Variants in TTBK2 observed in about 807,000 individuals in gnomAD.
TTBK2 encodes tau-tubulin kinase 2.
In TTBK2, 28 loss-of-function variants were observed where a neutral mutation model predicts 110.8. The observed-to-expected ratio is 0.25, with a 90% confidence interval of 0.19 to 0.35. TTBK2 has a LOEUF of 0.35. TTBK2 is among the 10% of genes least tolerant of loss of function. The probability of loss-of-function intolerance (pLI) is 1.00; values close to 1 mark genes in which losing one functional copy is unlikely to be tolerated. For missense variants in TTBK2, 1,369 were observed against 1,500.3 expected (o/e 0.91, Z 1.45); for synonymous variants, 532 against 527.3 (o/e 1.01, Z -0.12).
At chr15:42,863,207 C>T (rs1475725491) in intron 3 of TTBK2, among the ~76,000 whole-genome samples, 1 of 152,138 alleles carries the variant, frequency 6.6e-6, no homozygotes, top group African/African-American at 2.4e-5. Context: ...TGATAAACTT[C>T]AGTGAAGTTT....
rs71431870 is a variant in TTBK2 at position 42,816,085 on chromosome 15, AATATATATATATATAT to A, written c.603+931_603+946del. ...ATATATATATAAAAATAAATAAATA[AATATATATATATATAT>A]ATATATATATATATATATGTGTATA... is the stretch of plus-strand genomic sequence containing the variant. On this transcript the variant is annotated intron_variant, in intron 7 of 14. Transcript: ENST00000267890. 9.0e-4 allele frequency among the ~76,000 whole-genome samples: 61 copies of A among 67,450 alleles called. 2 individuals are homozygous for A. Among genetic ancestry groups the A allele is most frequent in the South Asian group, 3.0e-3 (6 of 1,968 alleles). 44.2% of individuals were successfully genotyped at this position (67,450 alleles called of 152,430 possible). A position where few individuals can be genotyped will look rare whatever the true frequency, so the allele number is the denominator to read the frequency against.
intron 13 of TTBK2, among the ~76,000 whole-genome samples, chr15:42,768,826 A>T (rs927033410): frequency 6.6e-6 from 1 of 152,236 alleles, no homozygotes; most frequent in Non-Finnish European, 1.5e-5. Context: ...CAAAAGAACA[A>T]AGCTGGAGGC....
At chr15:42,900,062 C>A (rs552508752) in intron 1 of TTBK2, among the ~76,000 whole-genome samples, 4 of 151,686 alleles carry the variant, frequency 2.6e-5, no homozygotes, top group African/African-American at 9.7e-5. Context: ...GGCATGATCT[C>A]GGCTCACTGC....
At chr15:42,865,806 G>C in intron 3 of TTBK2, among the ~76,000 whole-genome samples, 1 of 152,166 alleles carries the variant, frequency 6.6e-6, no homozygotes, top group East Asian at 1.9e-4. Flanking sequence ...CTGGGTGACA[G>C]AGTGAGACTC....
intron 2 of TTBK2, among the ~76,000 whole-genome samples, chr15:42,876,807 G>A (rs1444846161): frequency 6.6e-6 from 1 of 152,108 alleles, no homozygotes; most frequent in East Asian, 1.9e-4. Flanking sequence ...TCTAGGAAAA[G>A]AAAGCCATTG....
intron 3 of TTBK2, among the ~76,000 whole-genome samples, chr15:42,840,785 G>C (rs1893189420): frequency 6.6e-6 from 1 of 152,172 alleles, no homozygotes; most frequent in Non-Finnish European, 1.5e-5. Context: ...CAATAAAAAA[G>C]AACTATGTTA....
At chr15:42,905,117 G>A (rs1429902268) in intron 1 of TTBK2, among the ~76,000 whole-genome samples, 3 of 151,906 alleles carry the variant, frequency 2.0e-5, no homozygotes, top group Admixed American at 6.6e-5. Context: ...AGTGCTATCC[G>A]CCCATCTTGG....
chr15:42,768,859 T>C (rs1281638807), intron 13 of TTBK2, among the ~76,000 whole-genome samples: 1 of 152,168 alleles, frequency 6.6e-6, no homozygotes, highest in African/African-American at 2.4e-5. Context: ...GACTTCAAAC[T>C]GTACTACAAG....
intron 6 of TTBK2, among the ~76,000 whole-genome samples, chr15:42,824,914 C>A (rs1892464851): frequency 6.6e-6 from 1 of 151,702 alleles, no homozygotes. Context: ...TACATCAAAT[C>A]AGGGGAAAAA....
At chr15:42,892,555 A>G (rs2141168176) in intron 1 of TTBK2, among the ~76,000 whole-genome samples, 1 of 151,922 alleles carries the variant, frequency 6.6e-6, no homozygotes, top group African/African-American at 2.4e-5. Flanking sequence ...AAAAATATAA[A>G]AATTAGCCAG....
intron 6 of TTBK2, among the ~76,000 whole-genome samples, chr15:42,821,448 A>G (rs1336366838): frequency 6.6e-6 from 1 of 152,232 alleles, no homozygotes; most frequent in African/African-American, 2.4e-5. Flanking sequence ...TACTTTATGT[A>G]TACAGTTCTA....
intron 1 of TTBK2, among the ~76,000 whole-genome samples, chr15:42,902,658 A>G (rs1305966459): frequency 6.6e-6 from 1 of 152,068 alleles, no homozygotes; most frequent in Non-Finnish European, 1.5e-5. Flanking sequence ...GGAATATAAT[A>G]TGGGACAGTT....
At chr15:42,781,859 T>A (rs1404237757) in intron 11 of TTBK2, among the ~76,000 whole-genome samples, 1 of 152,160 alleles carries the variant, frequency 6.6e-6, no homozygotes, top group Non-Finnish European at 1.5e-5. Context: ...GAAGCATAAA[T>A]ATAGAAGGAA....
rs527266119 is a variant in TTBK2, at chr15:42,763,835, C to T, written c.1999-10588G>A. Reference sequence around the variant, plus strand: ...TAAAAACCTAAAGCCTCAAAACCTACGTGAATGAAAAGTAAAAGCTGCTTT... The same window carrying T: ...TAAAAACCTAAAGCCTCAAAACCTATGTGAATGAAAAGTAAAAGCTGCTTT... On this transcript the variant is annotated intron_variant, in intron 13 of 14. Coordinates refer to ENST00000267890, the MANE Select transcript of TTBK2 (RefSeq NM_173500.4). Among the ~76,000 whole-genome samples the T allele has an allele frequency of 2.6e-5, 4 of 152,256 alleles. No individual in the cohort carries two copies. The South Asian group carries it at 8.3e-4, about 32-fold the overall frequency.
chr15:42,769,401 TAAAC>T (rs1441717393), intron 13 of TTBK2, among the ~76,000 whole-genome samples: 1 of 152,000 alleles, frequency 6.6e-6, no homozygotes, highest in Admixed American at 6.6e-5. Flanking sequence ...ACAAAGAAGT[TAAAC>T]AAACTTACAA....
intron 6 of TTBK2, among the ~76,000 whole-genome samples, chr15:42,821,742 T>A (rs1444713379): frequency 6.8e-6 from 1 of 147,138 alleles, no homozygotes; most frequent in East Asian, 2.0e-4. Flanking sequence ...CAGGCTGGAG[T>A]GCGGTGGCGT....
intron 1 of TTBK2, among the ~76,000 whole-genome samples, chr15:42,915,905 G>A (rs184418000): frequency 2.6e-5 from 4 of 152,094 alleles, no homozygotes; most frequent in Non-Finnish European, 4.4e-5. Context: ...TACGATCATG[G>A]CACTCCAGCC....
At chr15:42,886,789 G>A (rs1895264107) in intron 1 of TTBK2, among the ~76,000 whole-genome samples, 1 of 152,246 alleles carries the variant, frequency 6.6e-6, no homozygotes, top group Non-Finnish European at 1.5e-5. Flanking sequence ...TCCTCCCCCA[G>A]GATCTTGCTT....
chr15:42,914,069 C>T lies in TTBK2; in HGVS notation c.-68+6369G>A, dbSNP rs543192039. On this transcript the variant is annotated intron_variant, in intron 1 of 14. Transcript: ENST00000267890. ...TCGACTCACTGCAACCTCCACCTCCCGGATTCAAGCGATTCTCCTGCCTCA... is the reference window on the plus strand; with the variant it reads ...TCGACTCACTGCAACCTCCACCTCCTGGATTCAAGCGATTCTCCTGCCTCA... 1.7e-3 allele frequency among the ~76,000 whole-genome samples: 256 copies of T among 151,960 alleles called. 1 individual carries two copies. The highest frequency in any genetic ancestry group is 3.8e-3 in the African/African-American group (157 of 41,406).
Sources: gnomAD v4.1 joint callset for allele counts (sites outside exome capture counted in the v4.1 genomes callset) on GRCh38, gnomAD v4.1.1 for gene constraint, MANE v1.5 for transcripts, NCBI Gene and HGNC (gene_info 2026-07-23, HGNC 2026-07-21) for gene names.